Variants in CREBBP observed in about 807,000 individuals in gnomAD.
CREBBP encodes the protein CREB-binding protein.
CREBBP carries 19 observed loss-of-function variants against 265.0 expected under a neutral mutation model. The ratio of observed to expected loss-of-function variants is 0.07; its 90% CI spans 0.05 to 0.11. CREBBP has a LOEUF of 0.11. CREBBP is among the 10% of genes least tolerant of loss of function. The pLI, the probability that CREBBP is intolerant of heterozygous loss-of-function variation, is 1.00. For missense variants in CREBBP, 2,525 were observed against 3,219.0 expected, an observed-to-expected ratio of 0.78 and a Z score of 5.22; for synonymous variants, 1,457 against 1,223.7, an observed-to-expected ratio of 1.19 and a Z score of -3.98.
In CREBBP at chr16:3,793,454, G is replaced by C; in HGVS notation, c.1148C>G (p.Pro383Arg). The C allele has an allele frequency of 1.9e-6, 3 of 1,614,088 alleles. No homozygotes were observed. Among genetic ancestry groups the C allele is most frequent in the Non-Finnish European group, 2.5e-6 (3 of 1,180,026 alleles). ...AACGTTTTTCATGGTTCGACAATGCGGGAGCGAGCAGGCCCGAACCTCTCC... is the reference window on the plus strand; with the variant it reads ...AACGTTTTTCATGGTTCGACAATGCCGGAGCGAGCAGGCCCGAACCTCTCC... The part of the protein sequence containing the change: ...ANGEVRACSL[P>R]HCRTMKNVLN... Residue 383 changes from proline to arginine, a missense_variant, in exon 4 of 31, where the codon CCG becomes CGG. Physicochemically the swap from Pro to Arg is moderately radical, Grantham distance 103. Transcript: ENST00000262367.
chr16:3,736,185 T>C lies in CREBBP; in HGVS notation c.4579A>G (p.Thr1527Ala), dbSNP rs1186470200. ...TTGGCACTGGTGAGCCTGTCTTCAG[T>C]TGCTTGTTTGAAAATATCCTGAGTG... ...HDYKDIFKQA[T>A]EDRLTSAKEL... is the part of the protein sequence containing the mutation. Residue 1527 changes from threonine to alanine, a missense_variant, in exon 28 of 31, where the codon ACT (threonine) becomes GCT (alanine). Physicochemically the swap from Thr to Ala is moderately conservative, Grantham distance 58. Around this residue, in one of 19 missense-constraint regions of CREBBP, gnomAD observed 93 missense variants for 161.5 expected, o/e 0.58. Transcript: ENST00000262367. 4 of 1,614,242 alleles carry C rather than the reference T, an allele frequency of 2.5e-6. No individual in the cohort carries two copies. Among genetic ancestry groups the C allele is most frequent in the Non-Finnish European group, 3.4e-6 (4 of 1,180,038 alleles).
intron 2 of CREBBP, among the ~76,000 whole-genome samples, chr16:3,826,475 A>G (rs993040631): frequency 6.6e-6 from 1 of 152,178 alleles, no homozygotes; most frequent in Non-Finnish European, 1.5e-5. Context: ...CACGACCTCA[A>G]CCAGGTGGCT....
chr16:3,754,530 G>C (rs978327278), intron 19 of CREBBP, among the ~76,000 whole-genome samples: 2 of 34,902 alleles, frequency 5.7e-5, no homozygotes, highest in Admixed American at 6.0e-4. Context: ...ATGCATTTCA[G>C]GGTTGCTATA....
intron 3 of CREBBP, among the ~76,000 whole-genome samples, chr16:3,805,898 G>C (rs1476433677): frequency 1.3e-5 from 2 of 152,168 alleles, no homozygotes; most frequent in African/African-American, 2.4e-5. Flanking sequence ...ATGTATTTAA[G>C]AATTATCTGA....
intron 1 of CREBBP, among the ~76,000 whole-genome samples, chr16:3,862,703 T>C (rs959349459): frequency 1.1e-4 from 17 of 152,248 alleles, no homozygotes; most frequent in African/African-American, 3.9e-4. Context: ...CCCTTCCCAC[T>C]GTATCGAATT....
At position 3,803,177 on chromosome 16, in the gene CREBBP, G is replaced by C. The variant is rs145931137; in HGVS notation, c.975+7426C>G. On this transcript the variant is annotated intron_variant, in intron 3 of 30. Coordinates refer to ENST00000262367, the MANE Select transcript of CREBBP (RefSeq NM_004380.3). ...TTATTGATTTTTTTTAAAAAAATAA[G>C]ATTATCTTAAAATTTAAGATCTAAA... is the stretch of plus-strand genomic sequence containing the variant. 6.1e-5 allele frequency among the ~76,000 whole-genome samples: 9 copies of C among 148,652 alleles called. No homozygotes were observed. In the East Asian group the frequency reaches 1.8e-3, roughly 29 times the overall value.
chr16:3,871,701 A>G (rs1365251040), intron 1 of CREBBP, among the ~76,000 whole-genome samples: 2 of 152,230 alleles, frequency 1.3e-5, no homozygotes, highest in Admixed American at 6.5e-5. Flanking sequence ...TTTTAATAAG[A>G]AAAATCCAAA....
At chr16:3,848,797 C>G (rs1201609082) in intron 2 of CREBBP, among the ~76,000 whole-genome samples, 5 of 152,164 alleles carry the variant, frequency 3.3e-5, no homozygotes, top group African/African-American at 1.2e-4. Flanking sequence ...ATGAGAAATT[C>G]CTTCTCAATT....
intron 1 of CREBBP, among the ~76,000 whole-genome samples, chr16:3,859,927 A>G (rs1343267141): frequency 4.6e-5 from 7 of 152,186 alleles, no homozygotes; most frequent in Non-Finnish European, 1.5e-5. Flanking sequence ...CCGCTCTAGT[A>G]AATTAATTGA....
intron 1 of CREBBP, among the ~76,000 whole-genome samples, chr16:3,863,367 C>A (rs1461077130): frequency 2.6e-5 from 4 of 152,122 alleles, no homozygotes; most frequent in Admixed American, 2.6e-4. Context: ...TTTTAGGAAG[C>A]CCAGGCAGGA....
rs887083653 is a variant in CREBBP, at chr16:3,778,027, T to C, written c.2097A>G (p.Gln699=). ...GAQPPVIPQA[Q]PVRPPNGPLS... ...AATCCTTACTTGGAGGTCTCACAGG[T>C]TGTGCCTGTGGAATCACAGGGGGCT... Residue 699 remains glutamine (Q), a synonymous_variant, in exon 10 of 31, where the codon CAA becomes CAG. Coordinates refer to ENST00000262367, the MANE Select transcript of CREBBP (RefSeq NM_004380.3). The C allele has an allele frequency of 6.2e-7, 1 of 1,614,058 alleles. No individual in the cohort carries two copies. The highest frequency in any genetic ancestry group is 8.5e-7 in the Non-Finnish European group (1 of 1,180,008).
rs2151334662 is a variant in CREBBP at position 3,738,686 on chromosome 16, G to A, written c.4281-14C>T. 1.3e-6 allele frequency: 2 copies of A among 1,542,886 alleles called. No individual in the cohort carries two copies. Among genetic ancestry groups the A allele is most frequent in the Non-Finnish European group, 9.0e-7 (1 of 1,116,984 alleles). On this transcript the variant is annotated splice_polypyrimidine_tract_variant and intron_variant, in intron 25 of 30. Transcript: ENST00000262367. ...ATGTACACACGCCTGTGGGAAGGAGGCACATGTTTAACTCAGGGTATCCCT... is the reference window on the plus strand; with the variant it reads ...ATGTACACACGCCTGTGGGAAGGAGACACATGTTTAACTCAGGGTATCCCT...
chr16:3,866,670 C>A (rs906273409), intron 1 of CREBBP, among the ~76,000 whole-genome samples: 4 of 151,648 alleles, frequency 2.6e-5, no homozygotes, highest in Admixed American at 6.6e-5. Context: ...TGAAAAAAAA[C>A]CCTCAGAATA....
chr16:3,802,696 C>G (rs1051753593), intron 3 of CREBBP, among the ~76,000 whole-genome samples: 2 of 152,120 alleles, frequency 1.3e-5, no homozygotes, highest in Admixed American at 1.3e-4. Context: ...CAGCAAGAGA[C>G]TGACCAAGAA....
At position 3,727,771 on chromosome 16, in the gene CREBBP, G is replaced by C; in HGVS notation, c.7276C>G (p.Leu2426Val). The change falls in exon 31 of 31, where the codon CTG (leucine) becomes GTG (valine). Residue 2426 changes from leucine (L) to valine (V), a missense_variant. By Grantham distance (32) the Leu-to-Val change is conservative. Coordinates refer to ENST00000262367, the MANE Select transcript of CREBBP (RefSeq NM_004380.3). ...GTGTCCCCCGTGGTGTCCCCGACCAGGGACAGTTCGCTGGACAGCGCACTC... is the reference window on the plus strand; with the variant it reads ...GTGTCCCCCGTGGTGTCCCCGACCACGGACAGTTCGCTGGACAGCGCACTC... ...SRSALSSELS[L>V]VGDTTGDTLE... The C allele has an allele frequency of 1.2e-6, 2 of 1,614,178 alleles. No individual in the cohort carries two copies. Among genetic ancestry groups the C allele is most frequent in the South Asian group, 2.2e-5 (2 of 91,084 alleles).
rs1276841574 is a variant in CREBBP, at chr16:3,727,660, G to A, written c.*58C>T. On this transcript the variant is annotated 3_prime_UTR_variant, in exon 31 of 31. Transcript: ENST00000262367. Reference sequence around the variant, plus strand: ...GGAATAAAAAGAACCTAGATGCCTGGATTTTCAGTACAAAAGGTCCAAGAA... The same window carrying A: ...GGAATAAAAAGAACCTAGATGCCTGAATTTTCAGTACAAAAGGTCCAAGAA... 3 of 1,613,388 alleles carry A rather than the reference G, an allele frequency of 1.9e-6. No homozygotes were observed. The highest frequency in any genetic ancestry group is 4.5e-5 in the East Asian group (2 of 44,870).
At chr16:3,794,009 A>C (rs1345208469) in intron 3 of CREBBP, among the ~76,000 whole-genome samples, 1 of 152,222 alleles carries the variant, frequency 6.6e-6, no homozygotes, top group Non-Finnish European at 1.5e-5. Flanking sequence ...TGGCAATTTC[A>C]TAGGGTACAA....
At chr16:3,875,249 G>C (rs755999358) in intron 1 of CREBBP, among the ~76,000 whole-genome samples, 2 of 152,168 alleles carry the variant, frequency 1.3e-5, no homozygotes, top group Non-Finnish European at 2.9e-5. Flanking sequence ...CACATGACTT[G>C]TCCTTGCCTA....
At chr16:3,811,401 C>T (rs898557009) in intron 2 of CREBBP, among the ~76,000 whole-genome samples, 1 of 152,224 alleles carries the variant, frequency 6.6e-6, no homozygotes, top group African/African-American at 2.4e-5. Context: ...CCTCATCCTC[C>T]TCAACGTGAA....
Sources: gnomAD v4.1 joint callset for allele counts (sites outside exome capture counted in the v4.1 genomes callset) on GRCh38, gnomAD v4.1.1 for gene constraint, gnomAD v4.1.1 regional missense constraint, MANE v1.5 for transcripts, NCBI Gene and HGNC (gene_info 2026-07-23, HGNC 2026-07-21) for gene names.